Variants in NRXN1 observed in about 807,000 individuals in gnomAD.
The protein encoded by NRXN1 is neurexin-1.
In NRXN1, 39 loss-of-function variants were observed where a neutral mutation model predicts 150.9. The observed-to-expected ratio is 0.26, with a 90% CI of 0.20 to 0.34. The LOEUF is 0.34. NRXN1 is among the 10% of genes least tolerant of loss of function. NRXN1 has a pLI of 1.00. For synonymous variants in NRXN1, 924 were observed against 757.0 expected (o/e 1.22, Z -3.62); for missense variants, 1,815 against 1,949.9 (o/e 0.93, Z 1.30).
chr2:50,366,802 G>A lies in NRXN1; in HGVS notation c.3364+98640C>T, dbSNP rs79722474. ...TCAAAAATCACACACTAAGGATGGA[G>A]AAGAAAGAAGACAGAAGGAGCTTAA... is the stretch of plus-strand genomic sequence containing the variant. On this transcript the variant is annotated intron_variant, in intron 17 of 22. Coordinates refer to ENST00000401669, the MANE Select transcript of NRXN1 (RefSeq NM_001330078.2). Among the ~76,000 whole-genome samples the A allele has an allele frequency of 6.9e-3, 1,042 of 152,086 alleles. 15 individuals carry two copies. The highest frequency in any genetic ancestry group is 0.024 in the African/African-American group (1,004 of 41,516).
intron 17 of NRXN1, among the ~76,000 whole-genome samples, chr2:50,458,135 C>T (rs546497888): frequency 6.6e-5 from 10 of 152,066 alleles, no homozygotes; most frequent in African/African-American, 2.4e-4. Flanking sequence ...TATTCCAATA[C>T]GAGTTGAACT....
chr2:50,420,349 C>T (rs1449628331), intron 17 of NRXN1, among the ~76,000 whole-genome samples: 1 of 151,580 alleles, frequency 6.6e-6, no homozygotes, highest in African/African-American at 2.4e-5. Context: ...CACAGACTAC[C>T]CCTGGTTTTG....
At chr2:50,820,431 G>T (rs1554109940) in intron 5 of NRXN1, among the ~76,000 whole-genome samples, 1 of 152,066 alleles carries the variant, frequency 6.6e-6, no homozygotes, top group Non-Finnish European at 1.5e-5. Context: ...TGACAGGGTG[G>T]AGAAGAAGCT....
intron 17 of NRXN1, among the ~76,000 whole-genome samples, chr2:50,455,684 G>C (rs1013826983): frequency 6.6e-6 from 1 of 152,112 alleles, no homozygotes; most frequent in South Asian, 2.1e-4. Flanking sequence ...TGGGACAGCA[G>C]ATTCAGAATT....
In NRXN1 at chr2:51,027,474, C is replaced by A. The variant is rs764473036; in HGVS notation, c.772+28G>T. On this transcript the variant is annotated intron_variant, in intron 2 of 22. Transcript: ENST00000401669. ...TCCCCGAGCCCCGCCCAGGCCCCGGCCCCCGTGGGTCGGGCGTCGGGCCTT... is the reference window on the plus strand; with the variant it reads ...TCCCCGAGCCCCGCCCAGGCCCCGGACCCCGTGGGTCGGGCGTCGGGCCTT... 16 of 1,488,446 alleles carry A rather than the reference C, an allele frequency of 1.1e-5. No homozygotes were observed. In the Admixed American group the frequency reaches 3.3e-4, roughly 30 times the overall value. The allele number at this position is 1,488,446 out of a possible 1,614,324, so 92.2% of individuals were successfully genotyped here. A position where few individuals can be genotyped will look rare whatever the true frequency, so the allele number is the denominator to read the frequency against.
At chr2:50,503,013 G>A (rs75667217) in intron 13 of NRXN1, among the ~76,000 whole-genome samples, 486 of 152,082 alleles carry the variant, frequency 3.2e-3, no homozygotes, top group African/African-American at 0.011. Context: ...GTTATTCCGA[G>A]AAGTAAGAAA....
chr2:50,412,426 G>A (rs1210314738), intron 17 of NRXN1, among the ~76,000 whole-genome samples: 1 of 151,724 alleles, frequency 6.6e-6, no homozygotes, highest in Non-Finnish European at 1.5e-5. Flanking sequence ...ATTTATAAAG[G>A]GTTATATACC....
chr2:50,944,128 C>T (rs1689934054), intron 2 of NRXN1, among the ~76,000 whole-genome samples: 1 of 152,158 alleles, frequency 6.6e-6, no homozygotes, highest in Admixed American at 6.5e-5. Flanking sequence ...TTGGCTAAAA[C>T]AGTAAGCAGT....
intron 17 of NRXN1, among the ~76,000 whole-genome samples, chr2:50,378,642 A>G (rs1382942284): frequency 6.6e-6 from 1 of 152,170 alleles, no homozygotes; most frequent in African/African-American, 2.4e-5. Context: ...GGCTTTTTGT[A>G]ATCATTTAGG....
chr2:50,480,229 G>C (rs897745856), intron 15 of NRXN1, among the ~76,000 whole-genome samples: 1 of 152,202 alleles, frequency 6.6e-6, no homozygotes, highest in Non-Finnish European at 1.5e-5. Context: ...TGTAGAAAGA[G>C]ATACAGAGAT....
At chr2:50,385,463 C>G (rs2081270891) in intron 17 of NRXN1, among the ~76,000 whole-genome samples, 1 of 152,138 alleles carries the variant, frequency 6.6e-6, no homozygotes, top group African/African-American at 2.4e-5. Flanking sequence ...TTAGTGACTT[C>G]TACATTAAGC....
chr2:50,669,831 GAAATAA>G (rs1187852521), intron 5 of NRXN1, among the ~76,000 whole-genome samples: 5 of 149,052 alleles, frequency 3.4e-5, no homozygotes, highest in South Asian at 4.2e-4. Context: ...AATAAAAATA[GAAATAA>G]AAATAAAAAT....
intron 5 of NRXN1, among the ~76,000 whole-genome samples, chr2:50,672,463 G>A (rs980317695): frequency 2.6e-5 from 4 of 151,940 alleles, no homozygotes; most frequent in Non-Finnish European, 5.9e-5. Flanking sequence ...CATGCTTGAT[G>A]AGCTTGATTT....
chr2:50,528,329 T>A (rs1417657765), intron 12 of NRXN1, among the ~76,000 whole-genome samples: 1 of 152,034 alleles, frequency 6.6e-6, no homozygotes, highest in African/African-American at 2.4e-5. Flanking sequence ...AGAGAACAAC[T>A]GGAGTCTAAA....
chr2:50,239,293 T>G (rs1319742134), intron 17 of NRXN1, among the ~76,000 whole-genome samples: 1 of 151,692 alleles, frequency 6.6e-6, no homozygotes, highest in Non-Finnish European at 1.5e-5. Flanking sequence ...ATAATTAATT[T>G]TTTTCCTTTT....
intron 17 of NRXN1, among the ~76,000 whole-genome samples, chr2:50,255,528 C>T (rs965101583): frequency 6.6e-6 from 1 of 152,136 alleles, no homozygotes; most frequent in Non-Finnish European, 1.5e-5. Context: ...CCAATTTGCA[C>T]ATCAGATCCT....
chr2:50,517,626 AC>A (rs1452135851), intron 12 of NRXN1, among the ~76,000 whole-genome samples: 1 of 152,136 alleles, frequency 6.6e-6, no homozygotes, highest in Non-Finnish European at 1.5e-5. Flanking sequence ...AACTATTTGG[AC>A]AGCTTTTTCG....
chr2:50,263,007 T>C (rs1400950082), intron 17 of NRXN1, among the ~76,000 whole-genome samples: 1 of 152,096 alleles, frequency 6.6e-6, no homozygotes, highest in Non-Finnish European at 1.5e-5. Flanking sequence ...TTTCACATCA[T>C]GGAATAGAAA....
chr2:50,838,156 C>T (rs760410872), intron 5 of NRXN1, among the ~76,000 whole-genome samples: 5 of 152,132 alleles, frequency 3.3e-5, no homozygotes, highest in Non-Finnish European at 7.4e-5. Flanking sequence ...TGAAATCCAT[C>T]TTTAGCCTTC....
Sources: gnomAD v4.1 joint callset for allele counts (sites outside exome capture counted in the v4.1 genomes callset) on GRCh38, gnomAD v4.1.1 for gene constraint, MANE v1.5 for transcripts, NCBI Gene and HGNC (gene_info 2026-07-23, HGNC 2026-07-21) for gene names.